Variants in RBSN observed in about 807,000 individuals in gnomAD.
The protein encoded by RBSN is rabenosyn-5.
RBSN carries 34 observed loss-of-function variants against 60.5 expected under a neutral mutation model. The observed-to-expected ratio is 0.56, with a 90% confidence interval of 0.43 to 0.75. The LOEUF is 0.75. RBSN is among the 30% of genes least tolerant of loss of function. The pLI, the probability that RBSN is intolerant of heterozygous loss-of-function variation, is 0.00. For missense variants in RBSN, 845 were observed against 986.8 expected, an observed-to-expected ratio of 0.86 and a Z score of 1.92; for synonymous variants, 322 against 366.9, an observed-to-expected ratio of 0.88 and a Z score of 1.40.
At chr3:15,086,843 C>T (rs940748092) in intron 5 of RBSN, among the ~76,000 whole-genome samples, 2 of 152,188 alleles carry the variant, frequency 1.3e-5, no homozygotes, top group African/African-American at 4.8e-5. Context: ...AAACCCAGGA[C>T]AAATGTCTGC....
intron 4 of RBSN, among the ~76,000 whole-genome samples, chr3:15,095,038 G>GTC (rs893634028): frequency 7.3e-5 from 11 of 151,006 alleles, no homozygotes; most frequent in Admixed American, 2.0e-4. Context: ...GTGTGTGTGT[G>GTC]TCTCTCTCTC....
chr3:15,078,047 G>C (rs189115784), intron 11 of RBSN, 28 bp downstream of exon 11: 3 of 1,591,368 alleles, frequency 1.9e-6, no homozygotes, highest in African/African-American at 1.3e-5. Context: ...TTCCACCAGC[G>C]GGCAGGATAC....
Position 15,074,488 on chromosome 3 carries a change from T to C in RBSN, c.1649A>G (p.Asp550Gly). ...ASLHTRTRSL[D>G]FREIGPFQLE... ...CTGAAAAGGGCCGATTTCTCTGAAGTCCAGGGACCGAGTCCGTGTGTGCAG... is the reference window on the plus strand; with the variant it reads ...CTGAAAAGGGCCGATTTCTCTGAAGCCCAGGGACCGAGTCCGTGTGTGCAG... The change falls in exon 14 of 14, where the codon GAC becomes GGC. Residue 550 changes from aspartate to glycine, a missense_variant. Transcript: ENST00000253699. The surrounding 1 kb of genome is among the most constrained non-coding windows in gnomAD (Gnocchi z 6.4). 1 of 1,614,176 alleles carries C rather than the reference T, an allele frequency of 6.2e-7. No individual in the cohort carries two copies. Among genetic ancestry groups the C allele is most frequent in the Non-Finnish European group, 8.5e-7 (1 of 1,180,016 alleles).
At position 15,078,127 on chromosome 3, in the gene RBSN, T is replaced by C. The variant is rs138136286; in HGVS notation, c.946A>G (p.Ser316Gly). 48 of 1,614,154 alleles carry C rather than the reference T, an allele frequency of 3.0e-5. No individual in the cohort carries two copies. The African/African-American group carries it at 5.9e-4, about 20-fold the overall frequency. Reference sequence around the variant, plus strand: ...TTCTGCACTTCCACTCGAAGGTCACTGGCATGTTCCAGACTGTAGGTTGTC... The same window carrying C: ...TTCTGCACTTCCACTCGAAGGTCACCGGCATGTTCCAGACTGTAGGTTGTC... Reference protein sequence around the residue: ...GETTYSLEHASDLRVEVQKVY... With the variant: ...GETTYSLEHAGDLRVEVQKVY... The change falls in exon 11 of 14, where the codon AGT becomes GGT. Residue 316 changes from serine (S) to glycine (G), a missense_variant. Transcript: ENST00000253699.
intron 13 of RBSN, 67 bp downstream of exon 13, chr3:15,075,539 C>G (rs896824132): frequency 1.9e-5 from 25 of 1,300,952 alleles, no homozygotes; most frequent in Non-Finnish European, 2.7e-5. Flanking sequence ...AACCTGGGAG[C>G]CCATGGCAGC....
At chr3:15,075,239 C>A in intron 13 of RBSN, 1 of 577,216 alleles carries the variant, frequency 1.7e-6, no homozygotes, top group South Asian at 1.9e-5. Flanking sequence ...ACACTGGAAT[C>A]TCACGCAGCG....
rs1453336389 is a variant in RBSN, at chr3:15,074,892, C to T, written c.1245G>A (p.Gln415=). 6.2e-7 allele frequency: 1 copy of T among 1,613,444 alleles called. No homozygotes were observed. The highest frequency in any genetic ancestry group is 8.5e-7 in the Non-Finnish European group (1 of 1,179,802). ...LESQRRLEER[Q]SGLASRAANG... is the part of the protein sequence containing the mutation. ...TGGCCGCTCGAGAAGCCAGGCCACT[C>T]TGCCTTTCCTCAAGCCTTCGCTGGG... Residue 415 remains glutamine, a synonymous_variant, in exon 14 of 14, where the codon CAG becomes CAA. Transcript: ENST00000253699. The surrounding 1 kb of genome is among the most constrained non-coding windows in gnomAD (Gnocchi z 6.4).
At position 15,092,680 on chromosome 3, in the gene RBSN, G is replaced by A. The variant is rs186995832; in HGVS notation, c.149-2141C>T. Among the ~76,000 whole-genome samples, 310 of 152,284 alleles carry A rather than the reference G, an allele frequency of 2.0e-3. 1 individual carries two copies. Among genetic ancestry groups the A allele is most frequent in the African/African-American group, 7.1e-3 (294 of 41,550 alleles). On this transcript the variant is annotated intron_variant, in intron 4 of 13. Coordinates refer to ENST00000253699, the MANE Select transcript of RBSN (RefSeq NM_022340.4). ...GCCCACCTCGGCCTCCCAAAGTGCT[G>A]GGATTGCAGGCATGAGCCACTGTCC...
chr3:15,086,850 C>G (rs74335793), intron 5 of RBSN, among the ~76,000 whole-genome samples: 181 of 152,338 alleles, frequency 1.2e-3, no homozygotes, highest in Admixed American at 4.4e-3. Context: ...GGACAAATGT[C>G]TGCAACACAA....
intron 10 of RBSN, among the ~76,000 whole-genome samples, chr3:15,080,071 C>T (rs1202492674): frequency 2.0e-5 from 3 of 151,996 alleles, no homozygotes; most frequent in Non-Finnish European, 4.4e-5. Flanking sequence ...GGTGAAACCC[C>T]GTCTCTACTA....
At chr3:15,078,182 C>A in intron 10 of RBSN, 21 bp from the exon 11 acceptor site, 8 of 1,609,312 alleles carry the variant, frequency 5.0e-6, no homozygotes, top group Non-Finnish European at 6.8e-6. Flanking sequence ...ACCAGAGACA[C>A]GTGACCTAAG....
At chr3:15,089,665 C>T (rs2043454111) in intron 5 of RBSN, among the ~76,000 whole-genome samples, 1 of 150,924 alleles carries the variant, frequency 6.6e-6, no homozygotes, top group Non-Finnish European at 1.5e-5. Flanking sequence ...GGCTGGAGTG[C>T]AGTGGCACGA....
At position 15,081,172 on chromosome 3, in the gene RBSN, G is replaced by A. The variant is rs146002969; in HGVS notation, c.841-370C>T. 8.5e-4 allele frequency: 147 copies of A among 173,906 alleles called. 1 individual carries two copies. The highest frequency in any genetic ancestry group is 3.2e-3 in the African/African-American group (136 of 42,066). The allele number at this position is 173,906 out of a possible 1,614,324, so 10.8% of individuals were successfully genotyped here. ...GGAATTACAGGCACGCTGCCACCAC[G>A]CCCGGCTAATTTTTATATTTTTAGT... On this transcript the variant is annotated intron_variant, in intron 9 of 13. Transcript: ENST00000253699.
Position 15,085,965 on chromosome 3 carries a change from G to A in RBSN, c.290-4C>T, listed in dbSNP as rs779328081. 6.2e-7 allele frequency: 1 copy of A among 1,612,868 alleles called. No homozygotes were observed. The highest frequency in any genetic ancestry group is 1.1e-5 in the South Asian group (1 of 91,046). On this transcript the variant is annotated splice_region_variant and splice_polypyrimidine_tract_variant and intron_variant, in intron 5 of 13. Transcript: ENST00000253699. ...GAAAGATGGCTTCTCACAGCACCTA[G>A]AGGGAAGGAAGGTAGGGAGACAAAT...
At chr3:15,083,950 T>C (rs1397390307) in intron 8 of RBSN, among the ~76,000 whole-genome samples, 1 of 152,192 alleles carries the variant, frequency 6.6e-6, no homozygotes, top group Non-Finnish European at 1.5e-5. Flanking sequence ...TATTTATTTG[T>C]GAGTTTATAT....
chr3:15,090,134 CTGTT>C (rs1359199794), intron 5 of RBSN, among the ~76,000 whole-genome samples: 7 of 151,588 alleles, frequency 4.6e-5, no homozygotes, highest in Admixed American at 1.3e-4. Flanking sequence ...AGTTTACTCA[CTGTT>C]TGTCCCTGGG....
At position 15,071,102 on chromosome 3, in the gene RBSN, G is replaced by A. The variant is rs755156632; in HGVS notation, c.*2680C>T. On this transcript the variant is annotated 3_prime_UTR_variant, in exon 14 of 14. Coordinates refer to ENST00000253699, the MANE Select transcript of RBSN (RefSeq NM_022340.4). ...GCCTCCCAAAGTGCTGGGATTACAG[G>A]AGTGAGCCACTGCACCCGGCCAGGC... 1 of 152,230 alleles carries A rather than the reference G, an allele frequency of 6.6e-6. No homozygotes were observed. The highest frequency in any genetic ancestry group is 1.5e-5 in the Non-Finnish European group (1 of 68,050). 9.4% of individuals were successfully genotyped at this position (152,230 alleles called of 1,614,324 possible). A position where few individuals can be genotyped will look rare whatever the true frequency, so the allele number is the denominator to read the frequency against.
In RBSN at chr3:15,073,877, TGGCA is replaced by T; in HGVS notation, c.2256_2259del (p.Asp752GlufsTer10). The T allele has an allele frequency of 6.2e-7, 1 of 1,614,058 alleles. No individual in the cohort carries two copies. The highest frequency in any genetic ancestry group is 8.5e-7 in the Non-Finnish European group (1 of 1,180,024). The stretch of plus-strand genomic sequence containing the variant: ...ACCTCATCCAGGCGGCCGCACTGCT[TGGCA>T]TCAAAGATGTATGCCTTGATGTTAT... On this transcript the variant is annotated frameshift_variant, in exon 14 of 14. Coordinates refer to ENST00000253699, the MANE Select transcript of RBSN (RefSeq NM_022340.4). LOFTEE classifies it high-confidence loss of function.
At position 15,082,661 on chromosome 3, in the gene RBSN, A is replaced by G. The variant is rs2043235918; in HGVS notation, c.599-53T>C. 6.3e-7 allele frequency: 1 copy of G among 1,591,048 alleles called. No homozygotes were observed. Among genetic ancestry groups the G allele is most frequent in the East Asian group, 2.3e-5 (1 of 44,214 alleles). On this transcript the variant is annotated intron_variant, in intron 8 of 13. Transcript: ENST00000253699. The surrounding 1 kb of genome is among the most constrained non-coding windows in gnomAD (Gnocchi z 4.2). ...ATGACCCCCACAGCATCCAATTACCATACCCACGACCTCAAGGTGTCAGTC... is the reference window on the plus strand; with the variant it reads ...ATGACCCCCACAGCATCCAATTACCGTACCCACGACCTCAAGGTGTCAGTC...
Sources: allele counts gnomAD v4.1 joint callset (sites outside exome capture counted in the v4.1 genomes callset), GRCh38; gene constraint gnomAD v4.1.1; non-coding constraint Gnocchi (gnomAD v3.1); transcripts MANE v1.5; gene names NCBI Gene and HGNC (gene_info 2026-07-23, HGNC 2026-07-21).